The following NSMCE1 variants were observed in gnomAD, a reference collection of about 807,000 sequenced individuals.
NSMCE1 encodes non-structural maintenance of chromosomes element 1 homolog.
In NSMCE1, 18 loss-of-function variants were observed where a neutral mutation model predicts 29.6. That is an observed-to-expected ratio of 0.61 (90% CI 0.42 to 0.90). The LOEUF (loss-of-function observed/expected upper bound fraction) is 0.90, where lower values mean the gene tolerates loss of function less well. Ranked by LOEUF, NSMCE1 falls within the 40% of genes least tolerant of loss-of-function variation. The probability of loss-of-function intolerance (pLI) is 0.00; values close to 1 mark genes in which losing one functional copy is unlikely to be tolerated. For synonymous variants in NSMCE1, 124 were observed against 133.4 expected (o/e 0.93, Z 0.49); for missense variants, 314 against 343.6 (o/e 0.91, Z 0.68).
intron 2 of NSMCE1, among the ~76,000 whole-genome samples, chr16:27,252,906 C>G (rs1158022366): frequency 6.6e-6 from 1 of 151,950 alleles, no homozygotes; most frequent in Non-Finnish European, 1.5e-5. Context: ...GCGACAAGAG[C>G]AAAACTGTCT....
chr16:27,268,123 C>T (rs1265475661), intron 1 of NSMCE1: 1 of 152,198 alleles, frequency 6.6e-6, no homozygotes, highest in Non-Finnish European at 1.5e-5. Flanking sequence ...CTCCAGCCCC[C>T]TCTGAGGGTG....
intron 1 of NSMCE1, among the ~76,000 whole-genome samples, chr16:27,259,029 G>A (rs2084123547): frequency 6.6e-6 from 1 of 152,216 alleles, no homozygotes; most frequent in Non-Finnish European, 1.5e-5. Context: ...GGATTACAGT[G>A]TGAGCCACCA....
intron 2 of NSMCE1, among the ~76,000 whole-genome samples, chr16:27,251,858 T>C (rs2084039063): frequency 1.3e-5 from 2 of 152,112 alleles, no homozygotes; most frequent in Admixed American, 6.6e-5. Flanking sequence ...ATCTCAAGTT[T>C]TCTCTCTGTG....
intron 2 of NSMCE1, among the ~76,000 whole-genome samples, chr16:27,243,524 C>G (rs1328323047): frequency 1.3e-5 from 2 of 152,198 alleles, no homozygotes; most frequent in Admixed American, 6.5e-5. Flanking sequence ...GCCAGCCCAC[C>G]ACCTCTAAGC....
intron 2 of NSMCE1, among the ~76,000 whole-genome samples, chr16:27,246,048 C>A (rs958893927): frequency 6.6e-6 from 1 of 152,116 alleles, no homozygotes; most frequent in African/African-American, 2.4e-5. Context: ...CAGCGTGAGA[C>A]GACGAAGCAG....
intron 2 of NSMCE1, among the ~76,000 whole-genome samples, chr16:27,237,500 A>C (rs941030960): frequency 7.2e-5 from 11 of 152,150 alleles, no homozygotes; most frequent in African/African-American, 2.7e-4. Context: ...GGCCAGACAC[A>C]CTTTTCCACC....
intron 2 of NSMCE1, among the ~76,000 whole-genome samples, chr16:27,248,336 C>T (rs1411601469): frequency 1.3e-5 from 2 of 151,486 alleles, no homozygotes; most frequent in Non-Finnish European, 2.9e-5. Context: ...CAATACTTGC[C>T]TTGCAGAGTC....
chr16:27,235,396 G>C, intron 2 of NSMCE1, 97 bp from the exon 3 acceptor site: 1 of 1,380,936 alleles, frequency 7.2e-7, no homozygotes, highest in African/African-American at 1.4e-5. Context: ...CAACGCAGGG[G>C]ACAGCAACCC....
chr16:27,254,584 A>C (rs1273382273), intron 2 of NSMCE1, among the ~76,000 whole-genome samples: 2 of 152,132 alleles, frequency 1.3e-5, no homozygotes, highest in African/African-American at 4.8e-5. Flanking sequence ...GGATTAACAC[A>C]AGCATTCTTT....
At position 27,225,815 on chromosome 16, in the gene NSMCE1, A is replaced by G. The variant is rs146908812; in HGVS notation, c.632T>C (p.Met211Thr). Residue 211 changes from methionine (M) to threonine (T), a missense_variant, in exon 7 of 8, where the codon ATG (methionine) becomes ACG (threonine). Physicochemically the swap from Met to Thr is moderately conservative, Grantham distance 81 (BLOSUM62 -1). Coordinates refer to ENST00000361439, the MANE Select transcript of NSMCE1 (RefSeq NM_145080.4). ...GTACTTGGCCACGCAGGGTAAGTGCATCCTGATCCCACAGGTTTCGCAGCT... is the reference window on the plus strand; with the variant it reads ...GTACTTGGCCACGCAGGGTAAGTGCGTCCTGATCCCACAGGTTTCGCAGCT... ...GQSCETCGIR[M>T]HLPCVAKYFQ... 4 of 1,613,984 alleles carry G rather than the reference A, an allele frequency of 2.5e-6. No individual in the cohort carries two copies. In the East Asian group the frequency reaches 6.7e-5, roughly 27 times the overall value.
At position 27,225,763 on chromosome 16, in the gene NSMCE1, G is replaced by A; in HGVS notation, c.684C>T (p.Cys228=). ...KYFQSNAEPR[C]PHCNDYWPHE... The stretch of plus-strand genomic sequence containing the variant: ...GGGGCCAGTAGTCGTTGCAGTGGGG[G>A]CAGCGCGGTTCAGCATTCGACTGGA... Residue 228 remains cysteine, a synonymous_variant, in exon 7 of 8, where the codon TGC becomes TGT. Coordinates refer to ENST00000361439, the MANE Select transcript of NSMCE1 (RefSeq NM_145080.4). 1 of 1,614,196 alleles carries A rather than the reference G, an allele frequency of 6.2e-7. No individual in the cohort carries two copies. The highest frequency in any genetic ancestry group is 1.1e-5 in the South Asian group (1 of 91,088).
Position 27,226,752 on chromosome 16 carries a change from T to A in NSMCE1, c.568A>T (p.Ile190Phe), listed in dbSNP as rs2083699825. Residue 190 changes from isoleucine to phenylalanine, a missense_variant, in exon 6 of 8, where the codon ATC (isoleucine) becomes TTC (phenylalanine). Transcript: ENST00000361439. ...AGGAGGCTGTGACAGATATTGCAGATCTTCACCGCGTCGGGGTACGTCTCC... is the reference window on the plus strand; with the variant it reads ...AGGAGGCTGTGACAGATATTGCAGAACTTCACCGCGTCGGGGTACGTCTCC... ...IRETYPDAVK[I>F]CNICHSLLIQ... The A allele has an allele frequency of 6.2e-7, 1 of 1,613,580 alleles. No homozygotes were observed.
At chr16:27,263,246 A>C (rs2141012328) in intron 1 of NSMCE1, among the ~76,000 whole-genome samples, 1 of 152,356 alleles carries the variant, frequency 6.6e-6, no homozygotes, top group Non-Finnish European at 1.5e-5. Flanking sequence ...ATGCACGGGA[A>C]TGTTCACTGC....
At chr16:27,225,618 C>T (rs979204554) in intron 7 of NSMCE1, 108 bp downstream of exon 7, 1 of 1,346,448 alleles carries the variant, frequency 7.4e-7, no homozygotes. Flanking sequence ...CACGGACCCC[C>T]ACACACCCTG....
rs370027258 is a variant in NSMCE1 at position 27,225,229 on chromosome 16, G to A, written c.729C>T (p.Phe243=). The change falls in exon 8 of 8, where the codon TTC becomes TTT. Residue 243 remains phenylalanine (F), a synonymous_variant. Coordinates refer to ENST00000361439, the MANE Select transcript of NSMCE1 (RefSeq NM_145080.4). ...CAGACTCCCTCTCCTTCTCAGGGTC[G>A]AAGACTTCTGTAGACAGAAAAGGCA... ...DYWPHEIPKV[F]DPEKERESGV... is the part of the protein sequence containing the mutation. The A allele has an allele frequency of 3.1e-6, 5 of 1,598,492 alleles. No homozygotes were observed. Among genetic ancestry groups the A allele is most frequent in the South Asian group, 1.1e-5 (1 of 89,318 alleles).
rs1440553854 is a variant in NSMCE1, at chr16:27,266,226, A to ACAACAACAC, written c.-12+2479_-12+2480insGTGTTGTTG. 8 of 152,504 alleles carry ACAACAACAC rather than the reference A, an allele frequency of 5.2e-5. No individual in the cohort carries two copies. The East Asian group carries it at 1.3e-3, about 26-fold the overall frequency. The allele number at this position is 152,504 out of a possible 1,614,324, so 9.4% of individuals were successfully genotyped here. A position where few individuals can be genotyped will look rare whatever the true frequency, so the allele number is the denominator to read the frequency against. On this transcript the variant is annotated intron_variant, in intron 1 of 7. Coordinates refer to ENST00000361439, the MANE Select transcript of NSMCE1 (RefSeq NM_145080.4). ...ACTCTCAACAACAACAACAACAACAAAATAATGTGAATATGTTAAATAACA... is the reference window on the plus strand; with the variant it reads ...ACTCTCAACAACAACAACAACAACAACAACAACACAATAATGTGAATATGTTAAATAACA...
chr16:27,268,664 C>G (rs549923356), intron 1 of NSMCE1, 42 bp downstream of exon 1: 1 of 152,810 alleles, frequency 6.5e-6, no homozygotes, highest in African/African-American at 2.4e-5. Flanking sequence ...CTTGAAGTCC[C>G]TCTTCTTTCC....
intron 5 of NSMCE1, among the ~76,000 whole-genome samples, chr16:27,229,603 T>G (rs1212038609): frequency 6.6e-6 from 1 of 152,204 alleles, no homozygotes; most frequent in African/African-American, 2.4e-5. Flanking sequence ...AGACAGAGTT[T>G]CGCTCTTGTT....
chr16:27,229,812 C>T (rs2083743839), intron 5 of NSMCE1, among the ~76,000 whole-genome samples: 1 of 152,200 alleles, frequency 6.6e-6, no homozygotes, highest in Non-Finnish European at 1.5e-5. Flanking sequence ...CTCCTGACTT[C>T]AAGTGATCTA....
Sources: allele counts gnomAD v4.1 joint callset (sites outside exome capture counted in the v4.1 genomes callset), GRCh38; gene constraint gnomAD v4.1.1; transcripts MANE v1.5; gene names NCBI Gene and HGNC (gene_info 2026-07-23, HGNC 2026-07-21).